Variants in ANKRD36 observed in about 807,000 individuals in gnomAD.
ANKRD36 encodes the protein ankyrin repeat domain-containing protein 36A.
Under a neutral mutation model 278.1 loss-of-function variants are expected in ANKRD36, and 179 were observed. The observed-to-expected ratio is 0.64, with a 90% CI of 0.57 to 0.73. ANKRD36 has a LOEUF of 0.73. ANKRD36 is among the 30% of genes least tolerant of loss of function. The pLI is 0.00. For synonymous variants in ANKRD36, 320 were observed against 641.1 expected (o/e 0.50, Z 7.57); for missense variants, 1,159 against 1,956.7 (o/e 0.59, Z 7.69).
At chr2:97,124,755 T>C (rs1375583350) in intron 5 of ANKRD36, among the ~76,000 whole-genome samples, 158 bp downstream of exon 5, 1 of 151,916 alleles carries the variant, frequency 6.6e-6, no homozygotes, top group Non-Finnish European at 1.5e-5. Context: ...GTTGTGCAAC[T>C]TCATCAGCCA....
rs201521831 is a variant in ANKRD36 at position 97,164,616 on chromosome 2, A to G, written c.1531+147A>G. ...GATGTTCTTGTTAATATCTTTGTTT[A>G]TAAAATGATTTTTAAGGCATAAGGC... is the stretch of plus-strand genomic sequence containing the variant. On this transcript the variant is annotated intron_variant, in intron 20 of 75. Transcript: ENST00000420699. 6,140 of 996,638 alleles carry G rather than the reference A, an allele frequency of 6.2e-3. 6 individuals carry two copies. The East Asian group carries it at 0.11, about 17-fold the overall frequency. The allele number at this position is 996,638 out of a possible 1,614,324, so 61.7% of individuals were successfully genotyped here.
At chr2:97,176,526 C>A (rs1254029588) in intron 22 of ANKRD36, among the ~76,000 whole-genome samples, 14 of 143,232 alleles carry the variant, frequency 9.8e-5, no homozygotes, top group Admixed American at 2.8e-4. Context: ...TGTCTCTGCA[C>A]GTGAGATGGG....
In ANKRD36 at chr2:97,217,277, A is replaced by G. The variant is rs537889685; in HGVS notation, c.3703-23A>G. The G allele has an allele frequency of 3.0e-5, 47 of 1,548,762 alleles. No homozygotes were observed. In the South Asian group the frequency reaches 3.6e-4, roughly 12 times the overall value. ...ATGAAATATATATTATGTATTGACT[A>G]TTTTGTTTCTCTTTCCATTCAGGTT... On this transcript the variant is annotated intron_variant, in intron 63 of 75. Coordinates refer to ENST00000420699, the MANE Select transcript of ANKRD36 (RefSeq NM_001354587.1).
intron 6 of ANKRD36, among the ~76,000 whole-genome samples, chr2:97,128,587 C>A (rs2039237213): frequency 6.6e-6 from 1 of 151,908 alleles, no homozygotes; most frequent in Non-Finnish European, 1.5e-5. Context: ...ACAAATCTAC[C>A]AAGATCCTGT....
intron 22 of ANKRD36, among the ~76,000 whole-genome samples, chr2:97,170,237 A>C (rs554732131): frequency 2.0e-5 from 3 of 151,986 alleles, no homozygotes; most frequent in South Asian, 4.2e-4. Context: ...AGGAAACTGA[A>C]ACTGGACCCC....
intron 66 of ANKRD36, among the ~76,000 whole-genome samples, chr2:97,222,977 A>G (rs1022980211): frequency 2.0e-5 from 3 of 152,110 alleles, no homozygotes; most frequent in African/African-American, 7.2e-5. Context: ...TTGAATAACA[A>G]AACCAAAATA....
chr2:97,127,850 A>G (rs2039025359), intron 6 of ANKRD36, among the ~76,000 whole-genome samples: 1 of 152,048 alleles, frequency 6.6e-6, no homozygotes, highest in Non-Finnish European at 1.5e-5. Context: ...TAAAAAAACA[A>G]TAATAGTTGA....
intron 67 of ANKRD36, among the ~76,000 whole-genome samples, chr2:97,232,596 T>C (rs2153678135): frequency 7.3e-6 from 1 of 137,656 alleles, no homozygotes; most frequent in African/African-American, 2.9e-5. Flanking sequence ...GCATCTGGCA[T>C]GTCTGTCTCT....
At chr2:97,154,823 G>A (rs1256764033) in intron 15 of ANKRD36, 82 bp downstream of exon 15, 1 of 1,159,140 alleles carries the variant, frequency 8.6e-7, no homozygotes, top group Non-Finnish European at 1.2e-6. Flanking sequence ...ATAATAGGTA[G>A]CAATTGTCTA....
At chr2:97,177,263 T>G (rs2054550438) in intron 22 of ANKRD36, among the ~76,000 whole-genome samples, 1 of 151,882 alleles carries the variant, frequency 6.6e-6, no homozygotes, top group Non-Finnish European at 1.5e-5. Context: ...CAAGGTAATT[T>G]ACAGATTCAA....
intron 6 of ANKRD36, among the ~76,000 whole-genome samples, chr2:97,140,616 G>A (rs1342662582): frequency 6.6e-6 from 1 of 152,022 alleles, no homozygotes; most frequent in Non-Finnish European, 1.5e-5. Context: ...CTATGGGAGA[G>A]AGGAAGCCAT....
At chr2:97,164,608 C>G in intron 20 of ANKRD36, 139 bp downstream of exon 20, 2 of 988,040 alleles carry the variant, frequency 2.0e-6, no homozygotes, top group Non-Finnish European at 2.9e-6. Flanking sequence ...TTGTTAATAT[C>G]TTTGTTTATA....
intron 12 of ANKRD36, among the ~76,000 whole-genome samples, chr2:97,150,876 TTTTTTTTTTCTTTCC>T (rs1176438452): frequency 8.6e-4 from 28 of 32,694 alleles, no homozygotes; most frequent in African/African-American, 1.2e-3. Flanking sequence ...TTTATTGTTT[TTTTTTTTTTCTTTCC>T]CCCTCTCTCT....
chr2:97,147,682 C>G (rs183448343), intron 11 of ANKRD36, among the ~76,000 whole-genome samples: 128 of 151,928 alleles, frequency 8.4e-4, no homozygotes, highest in African/African-American at 3.0e-3. Flanking sequence ...CTAGTGAACA[C>G]AGTGGAAGAG....
At chr2:97,154,940 G>C (rs2153475384) in intron 15 of ANKRD36, among the ~76,000 whole-genome samples, 199 bp downstream of exon 15, 1 of 145,052 alleles carries the variant, frequency 6.9e-6, no homozygotes, top group East Asian at 2.0e-4. Context: ...ATAAGAAATA[G>C]TTGATAAATA....
At chr2:97,194,638 A>T (rs1048713975) in intron 38 of ANKRD36, 88 bp from the exon 39 acceptor site, 2 of 1,579,702 alleles carry the variant, frequency 1.3e-6, no homozygotes, top group Non-Finnish European at 1.7e-6. Context: ...AGGCAGGAGG[A>T]CAGAGGTTGA....
intron 66 of ANKRD36, among the ~76,000 whole-genome samples, chr2:97,220,171 C>T (rs2067022090): frequency 6.8e-6 from 1 of 147,484 alleles, no homozygotes; most frequent in Non-Finnish European, 1.5e-5. Context: ...TACAGGCATA[C>T]AATGTGTAAT....
At chr2:97,205,998 G>A (rs562271905) in intron 51 of ANKRD36, 30 bp downstream of exon 51, 9 of 1,548,162 alleles carry the variant, frequency 5.8e-6, no homozygotes, top group African/African-American at 5.5e-5. Context: ...TATTGTGAAC[G>A]AGTTAATATA....
rs568682753 is a variant in ANKRD36 at position 97,178,390 on chromosome 2, A to G, written c.1634-1348A>G. Among the ~76,000 whole-genome samples, 9 of 151,858 alleles carry G rather than the reference A, an allele frequency of 5.9e-5. No homozygotes were observed. The East Asian group carries it at 7.8e-4, about 13-fold the overall frequency. On this transcript the variant is annotated intron_variant, in intron 22 of 75. Transcript: ENST00000420699. Reference sequence around the variant, plus strand: ...AGACACATGCACACGCATGCTTATTACGGCATTATTCACAATAGCAAAGAC... The same window carrying G: ...AGACACATGCACACGCATGCTTATTGCGGCATTATTCACAATAGCAAAGAC...
Sources: allele counts gnomAD v4.1 joint callset (sites outside exome capture counted in the v4.1 genomes callset), GRCh38; gene constraint gnomAD v4.1.1; transcripts MANE v1.5; gene names NCBI Gene and HGNC (gene_info 2026-07-23, HGNC 2026-07-21).